ANKHD1: variants seen among roughly 807,000 people sequenced by gnomAD.
The protein encoded by ANKHD1 is ankyrin repeat and KH domain containing 1.
A neutral mutation model predicts 230.5 loss-of-function variants in ANKHD1; 31 were observed. The observed-to-expected ratio is 0.13, with a 90% confidence interval of 0.10 to 0.18. The LOEUF (loss-of-function observed/expected upper bound fraction) is 0.18. Ranked by LOEUF, ANKHD1 falls within the 10% of genes least tolerant of loss-of-function variation. The pLI is 1.00. For missense variants in ANKHD1, 2,256 were observed against 3,071.3 expected, an observed-to-expected ratio of 0.73 and a Z score of 6.27; for synonymous variants, 1,074 against 1,117.6, an observed-to-expected ratio of 0.96 and a Z score of 0.78.
chr5:140,464,638 A>G (rs1430588370), intron 9 of ANKHD1, 29 bp from the exon 10 acceptor site: 5 of 1,510,232 alleles, frequency 3.3e-6, no homozygotes, highest in African/African-American at 2.7e-5. Context: ...ACAGTTCACA[A>G]AGTAAATGTA....
At chr5:140,403,224 C>T (rs1242399957) in intron 1 of ANKHD1, among the ~76,000 whole-genome samples, 2 of 152,018 alleles carry the variant, frequency 1.3e-5, no homozygotes, top group South Asian at 2.1e-4. Context: ...CCGCCTCGGC[C>T]TCCCAAAGTG....
At chr5:140,493,579 G>C (rs1012242425) in intron 14 of ANKHD1, among the ~76,000 whole-genome samples, 25 of 152,132 alleles carry the variant, frequency 1.6e-4, no homozygotes, top group African/African-American at 5.8e-4. Flanking sequence ...TTAGTTTCTA[G>C]GACTAATTAG....
chr5:140,418,903 G>T (rs972749956), intron 1 of ANKHD1, among the ~76,000 whole-genome samples: 1 of 152,020 alleles, frequency 6.6e-6, no homozygotes, highest in African/African-American at 2.4e-5. Flanking sequence ...GCTAATTTTT[G>T]TATTTTTAGT....
At chr5:140,469,265 G>A (rs1407840600) in intron 10 of ANKHD1, among the ~76,000 whole-genome samples, 3 of 151,310 alleles carry the variant, frequency 2.0e-5, no homozygotes, top group Non-Finnish European at 4.4e-5. Context: ...CTCTTTGGGA[G>A]GCCAAGGAGG....
At position 140,537,501 on chromosome 5, in the gene ANKHD1, G is replaced by T. The variant is rs749133811; in HGVS notation, c.7140G>T (p.Gly2380=). 44 of 1,614,116 alleles carry T rather than the reference G, an allele frequency of 2.7e-5. No individual in the cohort carries two copies. The East Asian group carries it at 9.8e-4, about 36-fold the overall frequency. The change falls in exon 31 of 34, where the codon GGG becomes GGT. Residue 2380 remains glycine, a synonymous_variant. Transcript: ENST00000360839. Reference sequence around the variant, plus strand: ...GACTGGCCCGAATTCGGCAAGGAGGGTCTGTTGCACAAGCCCCGGCGGGGA... The same window carrying T: ...GACTGGCCCGAATTCGGCAAGGAGGTTCTGTTGCACAAGCCCCGGCGGGGA... ...TERLARIRQG[G]SVAQAPAGTS... is the part of the protein sequence containing the mutation.
At chr5:140,505,923 T>C (rs1042380710) in intron 18 of ANKHD1, 54 bp downstream of exon 18, 25 of 1,527,000 alleles carry the variant, frequency 1.6e-5, no homozygotes, top group Middle Eastern at 1.8e-4. Flanking sequence ...TTTTAAAATA[T>C]GCATATGATT....
intron 9 of ANKHD1, 32 bp from the exon 10 acceptor site, chr5:140,464,635 A>G: frequency 6.7e-7 from 1 of 1,502,494 alleles, no homozygotes; most frequent in Non-Finnish European, 9.0e-7. Flanking sequence ...TTTACAGTTC[A>G]CAAAGTAAAT....
intron 14 of ANKHD1, among the ~76,000 whole-genome samples, chr5:140,492,556 A>G (rs944440540): frequency 3.9e-5 from 6 of 152,222 alleles, no homozygotes; most frequent in Non-Finnish European, 8.8e-5. Flanking sequence ...CCAGTGGATA[A>G]TAAACACTCT....
intron 14 of ANKHD1, among the ~76,000 whole-genome samples, chr5:140,491,047 TATAAA>T (rs549008534): frequency 6.8e-6 from 1 of 146,422 alleles, no homozygotes; most frequent in East Asian, 2.0e-4. Context: ...TATAAATTCT[TATAAA>T]ATATTTATTT....
chr5:140,491,785 G>A (rs1044537794), intron 14 of ANKHD1, among the ~76,000 whole-genome samples: 4 of 152,148 alleles, frequency 2.6e-5, no homozygotes, highest in African/African-American at 7.2e-5. Context: ...AGCTCCTTAA[G>A]GGCAGGGTTT....
chr5:140,419,139 CT>C (rs369298829), intron 1 of ANKHD1, among the ~76,000 whole-genome samples: 3,755 of 145,170 alleles, frequency 0.026, 119 homozygotes, highest in African/African-American at 0.076. Flanking sequence ...TCTTTTCTCT[CT>C]TTTTTTTTTT....
intron 1 of ANKHD1, among the ~76,000 whole-genome samples, chr5:140,407,852 A>G (rs1209385046): frequency 1.3e-5 from 2 of 151,770 alleles, no homozygotes; most frequent in African/African-American, 2.4e-5. Context: ...TTGTGTGTGT[A>G]TGTGTGTGTG....
intron 22 of ANKHD1, 49 bp downstream of exon 22, chr5:140,510,230 T>G (rs1297181825): frequency 6.5e-7 from 1 of 1,528,148 alleles, no homozygotes; most frequent in Admixed American, 2.0e-5. Flanking sequence ...AATTCTAAGT[T>G]AAAACCATGT....
chr5:140,495,592 G>C (rs1751998061), intron 14 of ANKHD1, among the ~76,000 whole-genome samples: 1 of 152,004 alleles, frequency 6.6e-6, no homozygotes, highest in South Asian at 2.1e-4. Flanking sequence ...CCTCAGAGTA[G>C]GTATTGTACG....
Position 140,527,458 on chromosome 5 carries a change from A to C in ANKHD1, c.5087+384A>C, listed in dbSNP as rs1753656204. On this transcript the variant is annotated intron_variant, in intron 27 of 33. Transcript: ENST00000360839. The surrounding 1 kb of genome is among the most constrained non-coding windows in gnomAD (Gnocchi z 4.5). ...GCTTTATTTTTTATTGCTAAGTATG[A>C]GCTGTTGATACTGGTTTAAAATGAA... The C allele has an allele frequency of 4.6e-6, 1 of 218,110 alleles. No homozygotes were observed. The highest frequency in any genetic ancestry group is 9.1e-6 in the Non-Finnish European group (1 of 109,906). 13.5% of individuals were successfully genotyped at this position (218,110 alleles called of 1,614,324 possible). A position where few individuals can be genotyped will look rare whatever the true frequency, so the allele number is the denominator to read the frequency against.
intron 10 of ANKHD1, among the ~76,000 whole-genome samples, chr5:140,473,590 G>A (rs928578057): frequency 1.3e-5 from 2 of 152,062 alleles, no homozygotes; most frequent in Non-Finnish European, 2.9e-5. Context: ...AGAGGCATGT[G>A]CCACCATGCC....
chr5:140,539,132 CT>C (rs1754199740), intron 33 of ANKHD1, 49 bp downstream of exon 33: 1 of 1,555,906 alleles, frequency 6.4e-7, no homozygotes, highest in South Asian at 1.2e-5. Context: ...TCACATCATT[CT>C]TTTTGTTTTG....
intron 1 of ANKHD1, among the ~76,000 whole-genome samples, chr5:140,434,755 G>C (rs746876959): frequency 4.6e-5 from 7 of 152,072 alleles, no homozygotes; most frequent in South Asian, 2.1e-4. Context: ...CTGCATGGTA[G>C]TCCATCATGT....
At chr5:140,435,509 C>T in intron 1 of ANKHD1, among the ~76,000 whole-genome samples, 1 of 151,626 alleles carries the variant, frequency 6.6e-6, no homozygotes, top group Non-Finnish European at 1.5e-5. Context: ...TCCTGAGTAG[C>T]TGGGATTACA....
Sources: gnomAD v4.1 joint callset for allele counts (sites outside exome capture counted in the v4.1 genomes callset) on GRCh38, gnomAD v4.1.1 for gene constraint, Gnocchi (gnomAD v3.1) non-coding constraint, MANE v1.5 for transcripts, NCBI Gene and HGNC (gene_info 2026-07-23, HGNC 2026-07-21) for gene names.